Variants in CLASP1 observed in about 807,000 individuals in gnomAD.
CLASP1 encodes the protein CLIP-associating protein 1.
CLASP1 carries 38 observed loss-of-function variants against 192.3 expected under a neutral mutation model. The observed-to-expected ratio is 0.20, with a 90% CI of 0.15 to 0.26. CLASP1 has a LOEUF of 0.26. Ranked by LOEUF, CLASP1 falls within the 10% of genes least tolerant of loss-of-function variation. The pLI is 1.00. For missense variants in CLASP1, 1,433 were observed against 1,932.5 expected, an observed-to-expected ratio of 0.74 and a Z score of 4.85; for synonymous variants, 691 against 712.8, an observed-to-expected ratio of 0.97 and a Z score of 0.49.
intron 8 of CLASP1, among the ~76,000 whole-genome samples, chr2:121,477,005 C>T (rs895258032): frequency 6.6e-5 from 10 of 152,350 alleles, no homozygotes; most frequent in African/African-American, 1.9e-4. Context: ...AGACACACCC[C>T]TATGCATTCT....
chr2:121,340,737 T>C, exon 40 of CLASP1: 1 of 692,384 alleles, frequency 1.4e-6, no homozygotes, highest in Non-Finnish European at 2.5e-6. Context: ...ACCAAAATAC[T>C]GATTGTAATA....
rs938880892 is a variant in CLASP1, at chr2:121,621,323, T to C, written c.-285-15143A>G. Among the ~76,000 whole-genome samples, 10 of 152,262 alleles carry C rather than the reference T, an allele frequency of 6.6e-5. 1 individual carries two copies. The South Asian group carries it at 2.1e-3, about 32-fold the overall frequency. Reference sequence around the variant, plus strand: ...TTGTTTTTTTCTTTTTTAATAGAGATGGCATCTCACTATGTTGCCCAGGCT... The same window carrying C: ...TTGTTTTTTTCTTTTTTAATAGAGACGGCATCTCACTATGTTGCCCAGGCT... On this transcript the variant is annotated intron_variant, in intron 1 of 39. Transcript: ENST00000263710.
chr2:121,494,081 A>G (rs1025414214), intron 8 of CLASP1, among the ~76,000 whole-genome samples: 1 of 152,262 alleles, frequency 6.6e-6, no homozygotes, highest in Non-Finnish European at 1.5e-5. Context: ...CATACGATCC[A>G]GCAATCCCAC....
At chr2:121,409,543 C>A (rs2077390772) in intron 24 of CLASP1, among the ~76,000 whole-genome samples, 1 of 152,192 alleles carries the variant, frequency 6.6e-6, no homozygotes, top group Non-Finnish European at 1.5e-5. Context: ...AGCCAAAGCT[C>A]AAACTCTCAA....
At chr2:121,512,963 G>A (rs2094181991) in intron 7 of CLASP1, 1 of 152,180 alleles carries the variant, frequency 6.6e-6, no homozygotes, top group African/African-American at 2.4e-5. Flanking sequence ...AGCTTGCTAA[G>A]TTGAAAAATC....
chr2:121,584,754 G>A (rs750066417), intron 2 of CLASP1, among the ~76,000 whole-genome samples: 6 of 152,010 alleles, frequency 3.9e-5, no homozygotes, highest in Non-Finnish European at 8.8e-5. Context: ...ACAATGCAAA[G>A]ACACTCAGCC....
chr2:121,530,648 G>C lies in CLASP1; in HGVS notation c.196-323C>G, dbSNP rs562933640. 50 of 529,286 alleles carry C rather than the reference G, an allele frequency of 9.4e-5. No homozygotes were observed. In the South Asian group the frequency reaches 1.3e-3, roughly 14 times the overall value. The allele number at this position is 529,286 out of a possible 1,614,324, so 32.8% of individuals were successfully genotyped here. On this transcript the variant is annotated intron_variant, in intron 2 of 39. Transcript: ENST00000263710. ...CGCCAGCCCCGCCCCGGCGAGAAAA[G>C]CGTATGCAAATTTTCGAGCGGCCGA...
At chr2:121,625,437 T>TC (rs1056018231) in intron 1 of CLASP1, among the ~76,000 whole-genome samples, 1 of 143,682 alleles carries the variant, frequency 7.0e-6, no homozygotes, top group Non-Finnish European at 1.5e-5. Flanking sequence ...ATTTTTTTTT[T>TC]TTTTTTTTTT....
chr2:121,377,189 G>A (rs2070453958), intron 34 of CLASP1, among the ~76,000 whole-genome samples: 1 of 152,108 alleles, frequency 6.6e-6, no homozygotes, highest in Admixed American at 6.6e-5. Context: ...AGTTTATTGT[G>A]TATTTCCAAA....
At chr2:121,569,198 C>G (rs1576077620) in intron 2 of CLASP1, among the ~76,000 whole-genome samples, 3 of 152,236 alleles carry the variant, frequency 2.0e-5, no homozygotes, top group African/African-American at 7.2e-5. Flanking sequence ...CAAATAGTGG[C>G]AAAGTAATTG....
chr2:121,518,230 T>TAA (rs2094367101), intron 6 of CLASP1, among the ~76,000 whole-genome samples: 1 of 39,038 alleles, frequency 2.6e-5, no homozygotes, highest in Non-Finnish European at 4.3e-5. Context: ...GACCCCCGTC[T>TAA]CAAAAAAAAA....
chr2:121,352,493 G>A (rs1015233430), intron 37 of CLASP1, among the ~76,000 whole-genome samples: 7 of 152,186 alleles, frequency 4.6e-5, no homozygotes, highest in Admixed American at 4.6e-4. Context: ...TGTACGTGTG[G>A]CCTTTCACTT....
intron 8 of CLASP1, among the ~76,000 whole-genome samples, chr2:121,502,249 T>G (rs943148650): frequency 5.9e-5 from 9 of 152,138 alleles, no homozygotes; most frequent in Non-Finnish European, 1.0e-4. Flanking sequence ...CTTCAAGGCG[T>G]TGAATTTATG....
At chr2:121,523,912 A>G (rs1419779012) in intron 6 of CLASP1, among the ~76,000 whole-genome samples, 1 of 152,176 alleles carries the variant, frequency 6.6e-6, no homozygotes, top group Non-Finnish European at 1.5e-5. Context: ...AAGAAGGGGA[A>G]ATGGGGGTGA....
chr2:121,345,787 G>A (rs935514894), intron 39 of CLASP1, among the ~76,000 whole-genome samples: 1 of 152,212 alleles, frequency 6.6e-6, no homozygotes, highest in African/African-American at 2.4e-5. Flanking sequence ...CTGGACCACC[G>A]GTTCTCAACC....
chr2:121,588,381 T>C lies in CLASP1; in HGVS notation c.195+17320A>G, dbSNP rs533605502. On this transcript the variant is annotated intron_variant, in intron 2 of 39. Transcript: ENST00000263710. ...TACAGAAAAAATGGCAACATGCCCA[T>C]AAAAATACTAGTATTTTGGTAGAAT... is the stretch of plus-strand genomic sequence containing the variant. Among the ~76,000 whole-genome samples, 42 of 152,220 alleles carry C rather than the reference T, an allele frequency of 2.8e-4. No homozygotes were observed. In the South Asian group the frequency reaches 8.1e-3, roughly 29 times the overall value.
At position 121,382,148 on chromosome 2, in the gene CLASP1, G is replaced by A. The variant is rs921594612; in HGVS notation, c.3491+60C>T. 2.7e-5 allele frequency: 37 copies of A among 1,360,444 alleles called. No individual in the cohort carries two copies. In the Admixed American group the frequency reaches 5.7e-4, roughly 21 times the overall value. The allele number at this position is 1,360,444 out of a possible 1,614,324, so 84.3% of individuals were successfully genotyped here. ...AGAGGCTTTCCCAAAGACCTGAGACGACCTTGGAAATGCAATAATATTGTG... is the reference window on the plus strand; with the variant it reads ...AGAGGCTTTCCCAAAGACCTGAGACAACCTTGGAAATGCAATAATATTGTG... On this transcript the variant is annotated intron_variant, in intron 33 of 39. Transcript: ENST00000263710.
At chr2:121,583,514 T>C (rs1169235228) in intron 2 of CLASP1, among the ~76,000 whole-genome samples, 13 of 152,206 alleles carry the variant, frequency 8.5e-5, no homozygotes, top group Non-Finnish European at 2.9e-5. Context: ...TTCAGACCAT[T>C]TCTTTTCTAC....
intron 1 of CLASP1, among the ~76,000 whole-genome samples, chr2:121,629,178 C>T (rs1041984179): frequency 6.6e-6 from 1 of 151,184 alleles, no homozygotes; most frequent in Admixed American, 6.6e-5. Flanking sequence ...ATCATGAGGT[C>T]AGGAGATCAA....
Sources: gnomAD v4.1 joint callset for allele counts (sites outside exome capture counted in the v4.1 genomes callset) on GRCh38, gnomAD v4.1.1 for gene constraint, MANE v1.5 for transcripts, NCBI Gene and HGNC (gene_info 2026-07-23, HGNC 2026-07-21) for gene names.